Variants in INPP5K observed in about 807,000 individuals in gnomAD.
The protein encoded by INPP5K is inositol polyphosphate-5-phosphatase K, also known as inositol polyphosphate 5-phosphatase K.
Under a neutral mutation model 53.5 loss-of-function variants are expected in INPP5K, and 35 were observed. The observed-to-expected ratio is 0.65, with a 90% CI of 0.50 to 0.87. INPP5K has a LOEUF of 0.87. INPP5K is among the 40% of genes least tolerant of loss of function. INPP5K has a pLI of 0.00. For missense variants in INPP5K, 550 were observed against 586.2 expected (o/e 0.94, Z 0.64); for synonymous variants, 253 against 232.8 (o/e 1.09, Z -0.79).
intron 1 of INPP5K, among the ~76,000 whole-genome samples, chr17:1,514,624 G>A (rs2075390055): frequency 6.6e-6 from 1 of 151,808 alleles, no homozygotes; most frequent in Non-Finnish European, 1.5e-5. Context: ...GGGCTGAACT[G>A]CCAGGAATGT....
intron 7 of INPP5K, among the ~76,000 whole-genome samples, chr17:1,502,893 G>A (rs57234309): frequency 0.17 from 25,440 of 147,902 alleles, 2,279 homozygotes; most frequent in Non-Finnish European, 0.2. Context: ...ATGCCCAGCT[G>A]TTTTTTTTTT....
intron 7 of INPP5K, among the ~76,000 whole-genome samples, chr17:1,500,309 T>C (rs2074972771): frequency 6.6e-6 from 1 of 152,084 alleles, no homozygotes; most frequent in South Asian, 2.1e-4. Context: ...AACACCTTTC[T>C]TCACCAGGGA....
At chr17:1,506,954 C>G in intron 7 of INPP5K, 26 bp downstream of exon 7, 2 of 1,534,448 alleles carry the variant, frequency 1.3e-6, no homozygotes, top group Non-Finnish European at 1.8e-6. Flanking sequence ...CTTCCTAGAC[C>G]TTCTGGCCCC....
At chr17:1,508,568 T>A in intron 5 of INPP5K, 1 of 322,176 alleles carries the variant, frequency 3.1e-6, no homozygotes, top group South Asian at 3.1e-5. Flanking sequence ...GTTCAGGGTT[T>A]CTAAGCAAGA....
rs533710238 is a variant in INPP5K at position 1,512,435 on chromosome 17, T to G, written c.261+1018A>C. On this transcript the variant is annotated intron_variant, in intron 3 of 11. Coordinates refer to ENST00000421807, the MANE Select transcript of INPP5K (RefSeq NM_016532.4). ...TCAGCAGGAGTTCTAAACCTTAGAT[T>G]CTTTCCTCCCCATTCTGCTCCCCCT... 1.4e-4 allele frequency among the ~76,000 whole-genome samples: 22 copies of G among 152,232 alleles called. No homozygotes were observed. The South Asian group carries it at 2.5e-3, about 17-fold the overall frequency.
rs2074900588 is a variant in INPP5K at position 1,497,919 on chromosome 17, G to A, written c.963+17C>T. ...TAGCTATTCCTCTGGCAAGTATCAG[G>A]CAGCCCAGAAGTTCACCTCCAAGTC... On this transcript the variant is annotated intron_variant, in intron 8 of 11. Transcript: ENST00000421807. The A allele has an allele frequency of 1.2e-6, 2 of 1,604,136 alleles. No individual in the cohort carries two copies. Among genetic ancestry groups the A allele is most frequent in the African/African-American group, 1.3e-5 (1 of 74,910 alleles).
At position 1,513,551 on chromosome 17, in the gene INPP5K, A is replaced by G. The variant is rs143130116; in HGVS notation, c.163T>C (p.Leu55=). 18 of 1,614,104 alleles carry G rather than the reference A, an allele frequency of 1.1e-5. No homozygotes were observed. Among genetic ancestry groups the G allele is most frequent in the Non-Finnish European group, 1.4e-5 (16 of 1,180,016 alleles). The change falls in exon 3 of 12, where the codon TTG becomes CTG. Residue 55 remains leucine, a synonymous_variant. Transcript: ENST00000421807. ...AGGAGGCTTATGATCCCAGAGTTCA[A>G]TTCCTGCAAACTGACCATGCCAGCT... ...LDIYVIGLQE[L]NSGIISLLSD...
At chr17:1,512,864 C>A (rs1335072654) in intron 3 of INPP5K, among the ~76,000 whole-genome samples, 1 of 152,214 alleles carries the variant, frequency 6.6e-6, no homozygotes, top group African/African-American at 2.4e-5. Flanking sequence ...CGCCTAAGAT[C>A]TGTCAGTCTT....
chr17:1,507,612 C>T (rs2075190901), intron 6 of INPP5K: 1 of 156,978 alleles, frequency 6.4e-6, no homozygotes, highest in Non-Finnish European at 1.4e-5. Context: ...GCTATCTCTG[C>T]TCACTGCAAC....
chr17:1,506,175 T>C (rs886398237), intron 7 of INPP5K, among the ~76,000 whole-genome samples: 1 of 151,516 alleles, frequency 6.6e-6, no homozygotes, highest in Non-Finnish European at 1.5e-5. Flanking sequence ...AGGTGCGCGC[T>C]ACCATGCCCA....
chr17:1,506,226 G>C (rs995936759), intron 7 of INPP5K, among the ~76,000 whole-genome samples: 2 of 152,090 alleles, frequency 1.3e-5, no homozygotes, highest in African/African-American at 4.8e-5. Context: ...GTTTTACCAT[G>C]TTGGTCAGGC....
At position 1,513,471 on chromosome 17, in the gene INPP5K, G is replaced by A. The variant is rs1461599379; in HGVS notation, c.243C>T (p.Ser81=). 6.2e-6 allele frequency: 10 copies of A among 1,614,036 alleles called. No homozygotes were observed. The highest frequency in any genetic ancestry group is 3.3e-5 in the South Asian group (3 of 91,084). ...SWSSFLMDVL[S]PLSFIKVSHV... ...AAGTTACCTTGATGAAGCTCAGAGG[G>A]GAAAGCACATCCATGAGGAAACTGC... The change falls in exon 3 of 12, where the codon TCC becomes TCT. Residue 81 remains serine, a synonymous_variant. Coordinates refer to ENST00000421807, the MANE Select transcript of INPP5K (RefSeq NM_016532.4).
rs1398495423 is a variant in INPP5K, at chr17:1,495,855, C to T, written c.1315G>A (p.Asp439Asn). 1.2e-6 allele frequency: 2 copies of T among 1,613,314 alleles called. No individual in the cohort carries two copies. Among genetic ancestry groups the T allele is most frequent in the African/African-American group, 1.3e-5 (1 of 74,900 alleles). ...TGTGGCTGTGCTTCACCCAGTGGGT[C>T]CTCCCTCAAGGAGCCAGGCGGGATC... ...FQIPPGSLRE[D>N]PLGEAQPQI The change falls in exon 12 of 12, where the codon GAC becomes AAC. Residue 439 changes from aspartate (D) to asparagine (N), a missense_variant. Asp to Asn is a conservative substitution (Grantham distance 23). Transcript: ENST00000421807.
At chr17:1,506,514 C>A (rs946863485) in intron 7 of INPP5K, among the ~76,000 whole-genome samples, 15 of 152,120 alleles carry the variant, frequency 9.9e-5, no homozygotes, top group African/African-American at 2.4e-4. Context: ...ATGATCTCTA[C>A]ACTGATCCTG....
Position 1,516,456 on chromosome 17 carries a change from C to G in INPP5K, c.44G>C (p.Ser15Thr). 1 of 1,591,662 alleles carries G rather than the reference C, an allele frequency of 6.3e-7. No homozygotes were observed. Among genetic ancestry groups the G allele is most frequent in the Non-Finnish European group, 8.5e-7 (1 of 1,176,920 alleles). The change falls in exon 1 of 12, where the codon AGC becomes ACC. Residue 15 changes from serine to threonine, a missense_variant and splice_region_variant. Ser to Thr is a moderately conservative substitution (Grantham distance 58, BLOSUM62 1). Transcript: ENST00000421807. ...KLSGPKGRRL[S>T]IHVVTWNVAS... is the part of the protein sequence containing the mutation. ...GCCTCTGCCGCCAGGGTGCCCTCAC[C>G]TGAGCCTCCTGCCTTTCGGCCCGCT... is the stretch of plus-strand genomic sequence containing the variant.
At chr17:1,509,843 G>T in intron 3 of INPP5K, 44 bp from the exon 4 acceptor site, 2 of 1,197,412 alleles carry the variant, frequency 1.7e-6, no homozygotes, top group Non-Finnish European at 2.5e-6. Context: ...AACCACACAG[G>T]CCAAGTGCAT....
At position 1,508,095 on chromosome 17, in the gene INPP5K, A is replaced by G. The variant is rs754260551; in HGVS notation, c.666+20T>C. 3 of 1,544,754 alleles carry G rather than the reference A, an allele frequency of 1.9e-6. No homozygotes were observed. The highest frequency in any genetic ancestry group is 2.7e-6 in the Non-Finnish European group (3 of 1,117,166). ...CCGTGGGCTCAGATCACCCCCTGGG[A>G]CCCTCCCCTCACTGGATACCTGGTC... On this transcript the variant is annotated intron_variant, in intron 6 of 11. Transcript: ENST00000421807.
chr17:1,508,876 C>T, intron 5 of INPP5K: 2 of 305,952 alleles, frequency 6.5e-6, no homozygotes, highest in South Asian at 4.5e-5. Flanking sequence ...GGTCTGCAGA[C>T]CCAGGCTCAC....
At chr17:1,503,960 G>A (rs556650916) in intron 7 of INPP5K, among the ~76,000 whole-genome samples, 1 of 152,286 alleles carries the variant, frequency 6.6e-6, no homozygotes, top group East Asian at 1.9e-4. Flanking sequence ...TCAGTGTGCT[G>A]ACTGATTGGA....
Sources: gnomAD v4.1 joint callset for allele counts (sites outside exome capture counted in the v4.1 genomes callset) on GRCh38, gnomAD v4.1.1 for gene constraint, MANE v1.5 for transcripts, NCBI Gene and HGNC (gene_info 2026-07-23, HGNC 2026-07-21) for gene names.